STK39: variants seen among roughly 807,000 people sequenced by gnomAD.
STK39 encodes serine/threonine kinase 39.
Under a neutral mutation model 77.8 loss-of-function variants are expected in STK39, and 20 were observed. The observed-to-expected ratio is 0.26, with a 90% CI of 0.18 to 0.37. The LOEUF is 0.37. STK39 is among the 10% of genes least tolerant of loss of function. The pLI is 1.00. For synonymous variants in STK39, 246 were observed against 234.1 expected, an observed-to-expected ratio of 1.05 and a Z score of -0.47; for missense variants, 479 against 656.5, an observed-to-expected ratio of 0.73 and a Z score of 2.95.
At position 167,955,387 on chromosome 2, in the gene STK39, G is replaced by A; in HGVS notation, c.*109C>T. 9.6e-7 allele frequency: 1 copy of A among 1,043,434 alleles called. No individual in the cohort carries two copies. Among genetic ancestry groups the A allele is most frequent in the Non-Finnish European group, 1.4e-6 (1 of 714,828 alleles). The allele number at this position is 1,043,434 out of a possible 1,614,324, so 64.6% of individuals were successfully genotyped here. A position where few individuals can be genotyped will look rare whatever the true frequency, so the allele number is the denominator to read the frequency against. ...TCTTCACAATCTTCTGATTTTGCTA[G>A]GAAATGGGAGTGAGGGGGTGGGAGG... On this transcript the variant is annotated 3_prime_UTR_variant, in exon 18 of 18. Transcript: ENST00000355999.
intron 10 of STK39, among the ~76,000 whole-genome samples, chr2:168,085,598 G>C (rs1686344984): frequency 6.6e-6 from 1 of 152,210 alleles, no homozygotes; most frequent in South Asian, 2.1e-4. Flanking sequence ...AGCTGCCACA[G>C]GATGAAACTT....
intron 5 of STK39, 54 bp downstream of exon 5, chr2:168,161,733 A>G: frequency 7.8e-7 from 1 of 1,287,578 alleles, no homozygotes; most frequent in Non-Finnish European, 1.1e-6. Context: ...ACATTCCTTG[A>G]AACTGTAACA....
intron 8 of STK39, among the ~76,000 whole-genome samples, chr2:168,136,293 C>A (rs1199354668): frequency 1.3e-5 from 2 of 148,342 alleles, no homozygotes; most frequent in Non-Finnish European, 3.0e-5. Context: ...CACTTGAACC[C>A]GGGAGGTAGA....
intron 5 of STK39, among the ~76,000 whole-genome samples, chr2:168,154,111 A>T (rs1352071736): frequency 1.3e-5 from 2 of 152,330 alleles, no homozygotes; most frequent in South Asian, 2.1e-4. Context: ...CAACCATAGG[A>T]TTTACTAACA....
intron 14 of STK39, among the ~76,000 whole-genome samples, chr2:168,058,649 A>C (rs2105377067): frequency 6.6e-6 from 1 of 152,342 alleles, no homozygotes; most frequent in East Asian, 1.9e-4. Flanking sequence ...ATCTCAAAAA[A>C]TAGTAACTCC....
chr2:168,033,132 A>G (rs1425270024), intron 14 of STK39, among the ~76,000 whole-genome samples: 3 of 152,190 alleles, frequency 2.0e-5, no homozygotes, highest in African/African-American at 7.2e-5. Context: ...GGGATACAAT[A>G]GTCGTCCTTA....
At chr2:168,093,616 A>G (rs886076576) in intron 10 of STK39, among the ~76,000 whole-genome samples, 2 of 151,994 alleles carry the variant, frequency 1.3e-5, no homozygotes, top group Non-Finnish European at 2.9e-5. Context: ...CCTCCTAAAT[A>G]TCTCTTCTAC....
intron 1 of STK39, among the ~76,000 whole-genome samples, chr2:168,222,233 A>C (rs1347418330): frequency 6.6e-6 from 1 of 152,164 alleles, no homozygotes; most frequent in Non-Finnish European, 1.5e-5. Flanking sequence ...CCACTGCCAG[A>C]ATTCCTCTGT....
At chr2:168,174,563 T>C (rs1243054707) in intron 2 of STK39, among the ~76,000 whole-genome samples, 1 of 152,000 alleles carries the variant, frequency 6.6e-6, no homozygotes, top group Non-Finnish European at 1.5e-5. Flanking sequence ...CAACAAACAA[T>C]AATGATGTCT....
At chr2:168,009,811 T>A (rs997368065) in intron 16 of STK39, among the ~76,000 whole-genome samples, 9 of 152,158 alleles carry the variant, frequency 5.9e-5, no homozygotes, top group African/African-American at 2.2e-4. Context: ...GCTGAAGAGT[T>A]TTTGGAAGAA....
intron 16 of STK39, among the ~76,000 whole-genome samples, chr2:167,995,303 T>C (rs1046211175): frequency 5.9e-4 from 90 of 152,082 alleles, no homozygotes; most frequent in African/African-American, 2.1e-3. Flanking sequence ...AGAGACGGGG[T>C]TTCACCATGT....
At chr2:168,106,060 G>A (rs1240617611) in intron 10 of STK39, among the ~76,000 whole-genome samples, 1 of 152,184 alleles carries the variant, frequency 6.6e-6, no homozygotes, top group Admixed American at 6.5e-5. Flanking sequence ...CCTCCCAGAT[G>A]CAAATGATTC....
intron 10 of STK39, among the ~76,000 whole-genome samples, chr2:168,112,216 C>T (rs1346976668): frequency 6.6e-6 from 1 of 152,124 alleles, no homozygotes; most frequent in Non-Finnish European, 1.5e-5. Flanking sequence ...TCAGTATCTC[C>T]TCTCTACTCC....
At chr2:167,989,499 G>T (rs4667990) in intron 16 of STK39, among the ~76,000 whole-genome samples, 76,235 of 151,892 alleles carry the variant, frequency 0.5, 20,044 homozygotes, top group Non-Finnish European at 0.56. Context: ...ATTTTAAATA[G>T]TCAACCAATG....
intron 5 of STK39, among the ~76,000 whole-genome samples, chr2:168,155,324 C>T (rs1198258347): frequency 6.6e-6 from 1 of 152,180 alleles, no homozygotes; most frequent in East Asian, 1.9e-4. Context: ...GAATGAAAAA[C>T]TCAGTTTCCA....
chr2:168,126,524 T>C (rs940574690), intron 10 of STK39, among the ~76,000 whole-genome samples: 4 of 152,220 alleles, frequency 2.6e-5, no homozygotes, highest in African/African-American at 4.8e-5. Context: ...AGGATGATCA[T>C]GGTTGTTTAT....
chr2:168,236,530 C>T (rs1281203922), intron 1 of STK39, among the ~76,000 whole-genome samples: 5 of 152,094 alleles, frequency 3.3e-5, no homozygotes, highest in Admixed American at 1.3e-4. Flanking sequence ...CTTGCCCATG[C>T]CTATGTCCTG....
At chr2:168,041,864 A>G (rs73017377) in intron 14 of STK39, among the ~76,000 whole-genome samples, 4,513 of 152,296 alleles carry the variant, frequency 0.03, 216 homozygotes, top group African/African-American at 0.1. Flanking sequence ...AGGAGTGTCA[A>G]TCTAAGAAAA....
At chr2:168,185,565 T>C (rs1376133770) in intron 1 of STK39, among the ~76,000 whole-genome samples, 3 of 152,226 alleles carry the variant, frequency 2.0e-5, no homozygotes, top group Non-Finnish European at 2.9e-5. Context: ...ACTGCATACC[T>C]GCATTTTATA....
Sources: gnomAD v4.1 joint callset for allele counts (sites outside exome capture counted in the v4.1 genomes callset) on GRCh38, gnomAD v4.1.1 for gene constraint, MANE v1.5 for transcripts, NCBI Gene and HGNC (gene_info 2026-07-23, HGNC 2026-07-21) for gene names.